EDAR: variants seen among roughly 807,000 people sequenced by gnomAD.
EDAR encodes tumor necrosis factor receptor superfamily member EDAR.
EDAR carries 38 observed loss-of-function variants against 51.3 expected under a neutral mutation model. The observed-to-expected ratio is 0.74, with a 90% CI of 0.57 to 0.97. The LOEUF (loss-of-function observed/expected upper bound fraction) is 0.97, where lower values mean the gene tolerates loss of function less well. EDAR is among the 50% of genes least tolerant of loss of function. The probability of loss-of-function intolerance (pLI) is 0.00; values close to 1 mark genes in which losing one functional copy is unlikely to be tolerated. For missense variants in EDAR, 528 were observed against 595.0 expected (o/e 0.89, Z 1.17); for synonymous variants, 227 against 242.1 (o/e 0.94, Z 0.58).
intron 6 of EDAR, among the ~76,000 whole-genome samples, chr2:108,912,473 G>A (rs1002890620): frequency 6.6e-6 from 1 of 152,150 alleles, no homozygotes; most frequent in African/African-American, 2.4e-5. Flanking sequence ...GCGGTCCCAG[G>A]ACACCCATAG....
At chr2:108,921,543 G>A (rs993557622) in intron 5 of EDAR, among the ~76,000 whole-genome samples, 3 of 152,314 alleles carry the variant, frequency 2.0e-5, no homozygotes, top group African/African-American at 4.8e-5. Flanking sequence ...TGGCAACTTC[G>A]GGCTCCTGAT....
chr2:108,930,367 C>A (rs1697343889), intron 2 of EDAR, 125 bp from the exon 3 acceptor site: 3 of 1,037,876 alleles, frequency 2.9e-6, no homozygotes, highest in Non-Finnish European at 4.4e-6. Context: ...GGGGCTCGGT[C>A]TGGGAAGGTG....
chr2:108,919,764 C>T (rs1340021630), intron 5 of EDAR, among the ~76,000 whole-genome samples: 7 of 152,006 alleles, frequency 4.6e-5, no homozygotes, highest in Non-Finnish European at 8.8e-5. Flanking sequence ...TGTAGGTCAG[C>T]GAGGCTCCGT....
intron 11 of EDAR, among the ~76,000 whole-genome samples, chr2:108,904,651 G>GA (rs1370166220): frequency 6.6e-6 from 1 of 152,174 alleles, no homozygotes; most frequent in East Asian, 1.9e-4. Flanking sequence ...ATGGACTATT[G>GA]ATACATGCAA....
chr2:108,970,200 C>A (rs894709416), intron 1 of EDAR, among the ~76,000 whole-genome samples: 2 of 152,154 alleles, frequency 1.3e-5, no homozygotes, highest in Non-Finnish European at 2.9e-5. Flanking sequence ...CAGGCCCCTA[C>A]CCGAGGCCCA....
At chr2:108,968,005 T>C (rs1015853299) in intron 1 of EDAR, among the ~76,000 whole-genome samples, 1 of 152,036 alleles carries the variant, frequency 6.6e-6, no homozygotes. Flanking sequence ...CGTGGAGAGA[T>C]CATAGAGAGA....
At chr2:108,938,805 C>G (rs893047818) in intron 1 of EDAR, among the ~76,000 whole-genome samples, 5 of 149,012 alleles carry the variant, frequency 3.4e-5, no homozygotes, top group Non-Finnish European at 7.4e-5. Flanking sequence ...GCCCCACCCC[C>G]CAGAGTCTTG....
chr2:108,910,832 G>C lies in EDAR; in HGVS notation c.674C>G (p.Pro225Arg). The change falls in exon 8 of 12, where the codon CCG (proline) becomes CGG (arginine). Residue 225 changes from proline (P) to arginine (R), a missense_variant. Physicochemically the swap from Pro to Arg is moderately radical, Grantham distance 103. Transcript: ENST00000258443. ...CACTTGGGCCTCCACGCTCTTCCCC[G>C]GGTGGCTGGTGCAACAGGCTGGGGA... Reference protein sequence around the residue: ...PSAPACCTSHPGKSVEAQVSK... With the variant: ...PSAPACCTSHRGKSVEAQVSK... 2 of 1,614,006 alleles carry C rather than the reference G, an allele frequency of 1.2e-6. No homozygotes were observed. Among genetic ancestry groups the C allele is most frequent in the Non-Finnish European group, 1.7e-6 (2 of 1,180,008 alleles).
intron 9 of EDAR, 70 bp from the exon 10 acceptor site, chr2:108,908,089 G>A: frequency 6.7e-7 from 1 of 1,503,456 alleles, no homozygotes; most frequent in Non-Finnish European, 8.9e-7. Context: ...TTCTCCTGTG[G>A]TGAACTTGTC....
rs145447912 is a variant in EDAR, at chr2:108,973,292, C to T, written c.-19+15668G>A. On this transcript the variant is annotated intron_variant, in intron 1 of 11. Transcript: ENST00000258443. ...CATGAGCCACCGCACCTGGCCTCAG[C>T]ATGTGTGTATAGTGCCGCCTCCCTG... 5.9e-3 allele frequency among the ~76,000 whole-genome samples: 893 copies of T among 151,894 alleles called. 4 individuals are homozygous for T. The highest frequency in any genetic ancestry group is 0.01 in the Middle Eastern group (3 of 292).
intron 3 of EDAR, 38 bp downstream of exon 3, chr2:108,930,081 CT>C (rs776982483): frequency 6.3e-7 from 1 of 1,597,628 alleles, no homozygotes; most frequent in East Asian, 2.3e-5. Flanking sequence ...GAGGCCTCCC[CT>C]GAGAGCGCAC....
intron 5 of EDAR, among the ~76,000 whole-genome samples, chr2:108,919,956 C>T (rs912863372): frequency 2.0e-5 from 3 of 152,232 alleles, no homozygotes; most frequent in Non-Finnish European, 4.4e-5. Flanking sequence ...TCAAATTCCA[C>T]ACACACAGCC....
intron 1 of EDAR, among the ~76,000 whole-genome samples, chr2:108,938,969 G>A (rs936786362): frequency 2.6e-5 from 4 of 152,048 alleles, no homozygotes; most frequent in East Asian, 3.9e-4. Flanking sequence ...TATTAGAGAC[G>A]GGGTTTCACC....
chr2:108,964,220 C>T (rs1056158451), intron 1 of EDAR, among the ~76,000 whole-genome samples: 2 of 152,118 alleles, frequency 1.3e-5, no homozygotes, highest in Non-Finnish European at 2.9e-5. Flanking sequence ...AGATGGGGCA[C>T]GTTTTTTATT....
chr2:108,904,102 C>T (rs991919090), intron 11 of EDAR, among the ~76,000 whole-genome samples: 9 of 151,724 alleles, frequency 5.9e-5, no homozygotes, highest in African/African-American at 1.9e-4. Context: ...TTTTTAAAAA[C>T]CCTCAAAACT....
chr2:108,971,866 C>T (rs1056791810), intron 1 of EDAR, among the ~76,000 whole-genome samples: 1 of 152,190 alleles, frequency 6.6e-6, no homozygotes, highest in African/African-American at 2.4e-5. Context: ...GCAGAAGAGA[C>T]GGTGCAATTA....
chr2:108,962,700 A>G (rs365690), intron 1 of EDAR, among the ~76,000 whole-genome samples: 92,934 of 128,784 alleles, frequency 0.72, 39,455 homozygotes, highest in Non-Finnish European at 0.94. Flanking sequence ...AAAAAAAAAA[A>G]AGAGAGAAAG....
At chr2:108,930,619 A>T (rs1697350662) in intron 2 of EDAR, among the ~76,000 whole-genome samples, 1 of 152,062 alleles carries the variant, frequency 6.6e-6, no homozygotes, top group African/African-American at 2.4e-5. Flanking sequence ...GTCCAGGAGG[A>T]TGGGGGTAGG....
intron 1 of EDAR, among the ~76,000 whole-genome samples, chr2:108,970,494 G>C (rs568030023): frequency 2.3e-4 from 35 of 152,270 alleles, no homozygotes; most frequent in African/African-American, 7.9e-4. Context: ...AGGACACTGA[G>C]TGGAGATGGT....
Sources: gnomAD v4.1 joint callset for allele counts (sites outside exome capture counted in the v4.1 genomes callset) on GRCh38, gnomAD v4.1.1 for gene constraint, MANE v1.5 for transcripts, NCBI Gene and HGNC (gene_info 2026-07-23, HGNC 2026-07-21) for gene names.